Variants in VPS53 observed in about 807,000 individuals in gnomAD.
VPS53 encodes the protein vacuolar protein sorting-associated protein 53 homolog.
Under a neutral mutation model 107.0 loss-of-function variants are expected in VPS53, and 70 were observed. The ratio of observed to expected loss-of-function variants is 0.65; its 90% CI spans 0.54 to 0.80. The LOEUF (loss-of-function observed/expected upper bound fraction) is 0.80, where lower values mean the gene tolerates loss of function less well. Ranked by LOEUF, VPS53 falls within the 30% of genes least tolerant of loss-of-function variation. The probability of loss-of-function intolerance (pLI) is 0.00; values close to 1 mark genes in which losing one functional copy is unlikely to be tolerated. For synonymous variants in VPS53, 409 were observed against 393.3 expected, an observed-to-expected ratio of 1.04 and a Z score of -0.47; for missense variants, 917 against 1,049.4, an observed-to-expected ratio of 0.87 and a Z score of 1.74.
chr17:703,768 C>T (rs1053324863), intron 2 of VPS53, among the ~76,000 whole-genome samples: 1 of 150,022 alleles, frequency 6.7e-6, no homozygotes, highest in Non-Finnish European at 1.5e-5. Flanking sequence ...TATAGCTGTA[C>T]AAAAATAAAC....
intron 15 of VPS53, among the ~76,000 whole-genome samples, chr17:556,220 C>T (rs1192533492): frequency 6.6e-6 from 1 of 152,118 alleles, no homozygotes; most frequent in Non-Finnish European, 1.5e-5. Flanking sequence ...TTCCAGGTTT[C>T]AGTGAGCTGT....
intron 7 of VPS53, among the ~76,000 whole-genome samples, chr17:650,023 CAG>C (rs1370759905): frequency 6.6e-6 from 1 of 152,130 alleles, no homozygotes; most frequent in Non-Finnish European, 1.5e-5. Context: ...GACAAAGAGA[CAG>C]AAAGCATGAA....
At chr17:601,930 C>T (rs770942343) in intron 11 of VPS53, 34 bp from the exon 12 acceptor site, 2 of 1,457,640 alleles carry the variant, frequency 1.4e-6, no homozygotes, top group East Asian at 2.5e-5. Flanking sequence ...GAAGTGTTTT[C>T]TGAGCATATT....
chr17:611,656 G>C (rs1328990943), intron 11 of VPS53, among the ~76,000 whole-genome samples: 1 of 152,210 alleles, frequency 6.6e-6, no homozygotes, highest in African/African-American at 2.4e-5. Context: ...TTCATACAGT[G>C]AAAACCTGTA....
At chr17:710,468 C>A (rs367554781) in intron 2 of VPS53, 65 bp downstream of exon 2, 6 of 1,282,964 alleles carry the variant, frequency 4.7e-6, no homozygotes, top group African/African-American at 3.0e-5. Flanking sequence ...GTGTAACACA[C>A]GAAGCATAAC....
chr17:662,939 G>A (rs1182947675), intron 4 of VPS53, among the ~76,000 whole-genome samples: 2 of 151,754 alleles, frequency 1.3e-5, no homozygotes, highest in East Asian at 1.9e-4. Flanking sequence ...GCTAATGGTG[G>A]CTCACACCTG....
At position 535,415 on chromosome 17, in the gene VPS53, C is replaced by T. The variant is rs1909970489; in HGVS notation, c.2015+1613G>A. Reference sequence around the variant, plus strand: ...CGGGACTGGCTAAGTCAACGGACTCCTCCTTCGCTTTAATGTAAGCTCAAT... The same window carrying T: ...CGGGACTGGCTAAGTCAACGGACTCTTCCTTCGCTTTAATGTAAGCTCAAT... On this transcript the variant is annotated intron_variant, in intron 18 of 21. Coordinates refer to ENST00000437048, the MANE Select transcript of VPS53 (RefSeq NM_001128159.3). Among the ~76,000 whole-genome samples the T allele has an allele frequency of 2.2e-5, 3 of 135,914 alleles. 1 individual carries two copies. The highest frequency in any genetic ancestry group is 2.2e-4 in the South Asian group (1 of 4,600). 89.2% of individuals were successfully genotyped at this position (135,914 alleles called of 152,430 possible). A position where few individuals can be genotyped will look rare whatever the true frequency, so the allele number is the denominator to read the frequency against.
At position 520,892 on chromosome 17, in the gene VPS53, C is replaced by A. The variant is rs923165024; in HGVS notation, c.2223+709G>T. 2.6e-5 allele frequency among the ~76,000 whole-genome samples: 4 copies of A among 151,968 alleles called. No individual in the cohort carries two copies. Among genetic ancestry groups the A allele is most frequent in the African/African-American group, 9.7e-5 (4 of 41,358 alleles). ...CACCTACATGAGCTCTTCACCCTTA[C>A]CTACATGAGCTGCTTCATCCTCACC... On this transcript the variant is annotated intron_variant, in intron 20 of 21. Transcript: ENST00000437048. The surrounding 1 kb of genome is among the most constrained non-coding windows in gnomAD (Gnocchi z 4.4).
chr17:536,876 G>T, intron 18 of VPS53, 152 bp downstream of exon 18: 1 of 931,308 alleles, frequency 1.1e-6, no homozygotes. Flanking sequence ...GGAGGTGTCG[G>T]TAATGGGAAG....
intron 4 of VPS53, among the ~76,000 whole-genome samples, chr17:673,134 C>T (rs371109828): frequency 7.1e-6 from 1 of 139,948 alleles, no homozygotes; most frequent in African/African-American, 2.6e-5. Flanking sequence ...AAAACAAAAA[C>T]AAAAAAAAAA....
chr17:601,591 C>T (rs1968326961), intron 12 of VPS53, among the ~76,000 whole-genome samples: 2 of 152,222 alleles, frequency 1.3e-5, no homozygotes, highest in African/African-American at 4.8e-5. Context: ...CGGGGCTCTT[C>T]AGGAGCAGAG....
At chr17:693,688 T>C (rs1334929471) in intron 4 of VPS53, among the ~76,000 whole-genome samples, 1 of 152,194 alleles carries the variant, frequency 6.6e-6, no homozygotes, top group East Asian at 1.9e-4. Context: ...GAAAAATGAT[T>C]GCACTCCAGC....
chr17:551,659 T>C (rs1270697555), intron 17 of VPS53: 2 of 352,202 alleles, frequency 5.7e-6, no homozygotes, highest in Non-Finnish European at 1.0e-5. Flanking sequence ...CCTCCAATAC[T>C]GTGATGCTCT....
intron 4 of VPS53, among the ~76,000 whole-genome samples, chr17:683,006 A>G (rs1029690429): frequency 1.4e-4 from 22 of 152,210 alleles, no homozygotes; most frequent in African/African-American, 5.3e-4. Flanking sequence ...AAAAAAGGAC[A>G]TGGTGTCAGA....
chr17:581,723 T>A (rs1293465327), intron 13 of VPS53, among the ~76,000 whole-genome samples: 1 of 145,800 alleles, frequency 6.9e-6, no homozygotes, highest in Non-Finnish European at 1.5e-5. Flanking sequence ...CCTAGAGAAC[T>A]TTCCTCAGAA....
intron 7 of VPS53, among the ~76,000 whole-genome samples, chr17:632,501 A>G (rs574615571): frequency 6.6e-6 from 1 of 152,242 alleles, no homozygotes; most frequent in Admixed American, 6.5e-5. Flanking sequence ...GTTATTTGTT[A>G]CTTCTCCGTG....
chr17:571,851 G>A (rs894876917), intron 13 of VPS53, among the ~76,000 whole-genome samples: 3 of 152,250 alleles, frequency 2.0e-5, no homozygotes, highest in Non-Finnish European at 4.4e-5. Flanking sequence ...AGTGCTCAAT[G>A]GTGCCCAGGC....
chr17:692,191 A>G (rs1428145930), intron 4 of VPS53, among the ~76,000 whole-genome samples: 2 of 152,054 alleles, frequency 1.3e-5, no homozygotes, highest in African/African-American at 4.8e-5. Flanking sequence ...TTCTTCCTCT[A>G]ACCCGCCCCT....
intron 15 of VPS53, among the ~76,000 whole-genome samples, chr17:554,700 G>A (rs1016533335): frequency 6.6e-6 from 1 of 152,204 alleles, no homozygotes; most frequent in Non-Finnish European, 1.5e-5. Flanking sequence ...TGGGATTACA[G>A]GTGTGAGCCA....
Sources: gnomAD v4.1 joint callset for allele counts (sites outside exome capture counted in the v4.1 genomes callset) on GRCh38, gnomAD v4.1.1 for gene constraint, Gnocchi (gnomAD v3.1) non-coding constraint, MANE v1.5 for transcripts, NCBI Gene and HGNC (gene_info 2026-07-23, HGNC 2026-07-21) for gene names.